PDZRN4: variants seen among roughly 807,000 people sequenced by gnomAD.
PDZRN4 encodes PDZ domain-containing RING finger protein 4.
A neutral mutation model predicts 99.0 loss-of-function variants in PDZRN4; 70 were observed. That is an observed-to-expected ratio of 0.71 (90% CI 0.58 to 0.86). The LOEUF is 0.86. Ranked by LOEUF, PDZRN4 falls within the 40% of genes least tolerant of loss-of-function variation. The probability of loss-of-function intolerance (pLI) is 0.00; values close to 1 mark genes in which losing one functional copy is unlikely to be tolerated. For missense variants in PDZRN4, 1,474 were observed against 1,331.2 expected (o/e 1.11, Z -1.67); for synonymous variants, 551 against 501.6 (o/e 1.10, Z -1.32).
chr12:41,216,101 T>C (rs535032706), intron 3 of PDZRN4, among the ~76,000 whole-genome samples: 32 of 152,138 alleles, frequency 2.1e-4, no homozygotes, highest in South Asian at 2.1e-4. Context: ...AATTTAATTA[T>C]GTTAAATAAA....
intron 3 of PDZRN4, among the ~76,000 whole-genome samples, chr12:41,258,432 A>G (rs1043682751): frequency 6.6e-6 from 1 of 152,150 alleles, no homozygotes; most frequent in African/African-American, 2.4e-5. Flanking sequence ...TTTACACATA[A>G]TCTGGAGTAA....
intron 3 of PDZRN4, among the ~76,000 whole-genome samples, chr12:41,432,420 C>T (rs896566194): frequency 1.3e-5 from 2 of 152,146 alleles, no homozygotes; most frequent in African/African-American, 4.8e-5. Flanking sequence ...TGTCATATAG[C>T]AATTAGTCAT....
chr12:41,431,052 G>A (rs923693728), intron 3 of PDZRN4, among the ~76,000 whole-genome samples: 2 of 152,188 alleles, frequency 1.3e-5, no homozygotes, highest in African/African-American at 4.8e-5. Context: ...CATTCATGAA[G>A]TTGGTAAACC....
At chr12:41,350,933 C>G (rs1951885628) in intron 3 of PDZRN4, among the ~76,000 whole-genome samples, 1 of 152,034 alleles carries the variant, frequency 6.6e-6, no homozygotes, top group African/African-American at 2.4e-5. Context: ...TGAGAGGGAC[C>G]TATTCATCAC....
intron 3 of PDZRN4, among the ~76,000 whole-genome samples, chr12:41,491,951 A>C (rs1465104947): frequency 1.3e-5 from 2 of 152,188 alleles, no homozygotes; most frequent in Non-Finnish European, 2.9e-5. Flanking sequence ...ATATAATTTT[A>C]ATAACCTAAT....
chr12:41,489,552 C>A (rs1173355592), intron 3 of PDZRN4, among the ~76,000 whole-genome samples: 2 of 152,104 alleles, frequency 1.3e-5, no homozygotes, highest in Non-Finnish European at 2.9e-5. Context: ...CAGCACTTTA[C>A]ATGCAGTGTT....
intron 3 of PDZRN4, among the ~76,000 whole-genome samples, chr12:41,447,837 C>T (rs1379776): frequency 0.51 from 77,396 of 151,702 alleles, 20,200 homozygotes; most frequent in African/African-American, 0.64. Flanking sequence ...ACTGAACTTA[C>T]CCATAAATTT....
intron 3 of PDZRN4, among the ~76,000 whole-genome samples, chr12:41,414,933 C>A (rs545692193): frequency 6.6e-6 from 1 of 152,200 alleles, no homozygotes; most frequent in African/African-American, 2.4e-5. Flanking sequence ...AAGGGAAGAG[C>A]ACATGTGAAG....
chr12:41,331,311 A>T (rs1285416669), intron 3 of PDZRN4, among the ~76,000 whole-genome samples: 1 of 152,114 alleles, frequency 6.6e-6, no homozygotes, highest in Non-Finnish European at 1.5e-5. Context: ...CGGTAGGTTT[A>T]TCTGACCATT....
At chr12:41,545,060 T>C (rs1938922328) in intron 5 of PDZRN4, among the ~76,000 whole-genome samples, 1 of 152,244 alleles carries the variant, frequency 6.6e-6, no homozygotes, top group African/African-American at 2.4e-5. Flanking sequence ...ATTCGCTTAA[T>C]CCCTCCAACT....
At chr12:41,418,430 T>C (rs1952462024) in intron 3 of PDZRN4, among the ~76,000 whole-genome samples, 1 of 152,108 alleles carries the variant, frequency 6.6e-6, no homozygotes. Flanking sequence ...AAGGAAGTAA[T>C]AGGAGGTAGT....
chr12:41,356,215 C>A (rs916369587), intron 3 of PDZRN4, among the ~76,000 whole-genome samples: 4 of 151,820 alleles, frequency 2.6e-5, no homozygotes, highest in African/African-American at 9.7e-5. Flanking sequence ...TTAAACTGCA[C>A]CCAATTGAAG....
intron 3 of PDZRN4, among the ~76,000 whole-genome samples, chr12:41,413,286 G>C (rs1185828194): frequency 3.3e-5 from 5 of 152,096 alleles, no homozygotes; most frequent in Non-Finnish European, 7.4e-5. Flanking sequence ...AAAATCATAT[G>C]TTCTCACTCA....
At chr12:41,492,290 G>T (rs1427755175) in intron 3 of PDZRN4, among the ~76,000 whole-genome samples, 4 of 152,058 alleles carry the variant, frequency 2.6e-5, no homozygotes, top group African/African-American at 9.7e-5. Flanking sequence ...CTTTCAAGAA[G>T]ACAAGGAGAA....
At chr12:41,517,188 T>C (rs1938415493) in intron 5 of PDZRN4, among the ~76,000 whole-genome samples, 1 of 152,072 alleles carries the variant, frequency 6.6e-6, no homozygotes. Flanking sequence ...AAGAAAACAA[T>C]GAAAAGTAAA....
At chr12:41,241,344 T>C (rs914722131) in intron 3 of PDZRN4, among the ~76,000 whole-genome samples, 2 of 151,510 alleles carry the variant, frequency 1.3e-5, no homozygotes, top group Admixed American at 1.3e-4. Context: ...GTTTGGTTGT[T>C]AATTTTGTTG....
rs1256088979 is a variant in PDZRN4 at position 41,401,309 on chromosome 12, TA to T, written c.844-105143del. On this transcript the variant is annotated intron_variant, in intron 3 of 9. Coordinates refer to ENST00000402685, the MANE Select transcript of PDZRN4 (RefSeq NM_001164595.2). Reference sequence around the variant, plus strand: ...AATGTCTACTGAGAACTAAGCTATTTAAAACTGAAAGTTTCTCTCCAGTAGC... The same window carrying T: ...AATGTCTACTGAGAACTAAGCTATTTAAACTGAAAGTTTCTCTCCAGTAGC... Among the ~76,000 whole-genome samples the T allele has an allele frequency of 2.6e-5, 4 of 152,314 alleles. No homozygotes were observed. The East Asian group carries it at 7.7e-4, about 29-fold the overall frequency.
chr12:41,375,340 A>G (rs1952071561), intron 3 of PDZRN4, among the ~76,000 whole-genome samples: 1 of 152,186 alleles, frequency 6.6e-6, no homozygotes, highest in African/African-American at 2.4e-5. Context: ...GGATGAGCAT[A>G]TACAATTTTG....
Position 41,429,565 on chromosome 12 carries a change from T to A in PDZRN4, c.844-76891T>A, listed in dbSNP as rs186385825. ...TCTAGGAATTTGTCATAATGATGAC[T>A]GTCTCTGAGTGACAGGCAATGGAAA... On this transcript the variant is annotated intron_variant, in intron 3 of 9. Coordinates refer to ENST00000402685, the MANE Select transcript of PDZRN4 (RefSeq NM_001164595.2). Among the ~76,000 whole-genome samples, 101 of 152,272 alleles carry A rather than the reference T, an allele frequency of 6.6e-4. 1 individual carries two copies. Among genetic ancestry groups the A allele is most frequent in the African/African-American group, 1.9e-3 (78 of 41,536 alleles).
Sources: allele counts gnomAD v4.1 joint callset (sites outside exome capture counted in the v4.1 genomes callset), GRCh38; gene constraint gnomAD v4.1.1; transcripts MANE v1.5; gene names NCBI Gene and HGNC (gene_info 2026-07-23, HGNC 2026-07-21).